The following SGCD variants were observed in gnomAD, a reference collection of about 807,000 sequenced individuals.
SGCD encodes delta-sarcoglycan.
In SGCD, 18 loss-of-function variants were observed where a neutral mutation model predicts 36.6. The ratio of observed to expected loss-of-function variants is 0.49; its 90% confidence interval spans 0.34 to 0.73. The LOEUF is 0.73. Ranked by LOEUF, SGCD falls within the 30% of genes least tolerant of loss-of-function variation. SGCD has a pLI of 0.01. For synonymous variants in SGCD, 133 were observed against 130.6 expected, an observed-to-expected ratio of 1.02 and a Z score of -0.12; for missense variants, 387 against 346.7, an observed-to-expected ratio of 1.12 and a Z score of -0.92.
intron 1 of SGCD, among the ~76,000 whole-genome samples, chr5:155,879,560 T>C (rs1755837309): frequency 6.6e-6 from 1 of 152,182 alleles, no homozygotes; most frequent in Non-Finnish European, 1.5e-5. Context: ...TTGTAACAAG[T>C]AATTTTTCAG....
chr5:155,778,767 G>A, the SGCD span, among the ~76,000 whole-genome samples: 8 of 151,962 alleles, frequency 5.3e-5, no homozygotes, highest in East Asian at 3.9e-4. Flanking sequence ...TTTTTTCTCC[G>A]ACTCTATCTG....
At chr5:156,731,591 G>T (rs1756064188) in intron 7 of SGCD, among the ~76,000 whole-genome samples, 1 of 150,004 alleles carries the variant, frequency 6.7e-6, no homozygotes, top group African/African-American at 2.4e-5. Flanking sequence ...TGTTCCATTG[G>T]TCTGTGTCTG....
chr5:156,631,333 G>A (rs139740175), intron 6 of SGCD, among the ~76,000 whole-genome samples: 154 of 152,112 alleles, frequency 1.0e-3, no homozygotes, highest in African/African-American at 3.5e-3. Flanking sequence ...TAGGGAAATC[G>A]AAGAATCAAC....
chr5:155,956,048 A>T (rs1051568246), intron 1 of SGCD, among the ~76,000 whole-genome samples: 4 of 151,428 alleles, frequency 2.6e-5, no homozygotes, highest in Admixed American at 2.6e-4. Flanking sequence ...TTGCATTGCC[A>T]CTCTAAAAAT....
At chr5:156,382,444 G>T (rs1287266552) in intron 3 of SGCD, among the ~76,000 whole-genome samples, 1 of 152,168 alleles carries the variant, frequency 6.6e-6, no homozygotes, top group Non-Finnish European at 1.5e-5. Context: ...TGGAGTAATG[G>T]AGAACACTCT....
chr5:155,965,990 C>A (rs1438853475), intron 1 of SGCD, among the ~76,000 whole-genome samples: 1 of 152,018 alleles, frequency 6.6e-6, no homozygotes, highest in Non-Finnish European at 1.5e-5. Context: ...CTGCCTGATG[C>A]TCCCTTCATG....
intron 1 of SGCD, among the ~76,000 whole-genome samples, chr5:156,108,951 A>G (rs1290962770): frequency 6.6e-6 from 1 of 152,224 alleles, no homozygotes; most frequent in African/African-American, 2.4e-5. Flanking sequence ...TTTGTCTCCA[A>G]TAATAACAGC....
intron 3 of SGCD, among the ~76,000 whole-genome samples, chr5:156,190,489 T>G (rs1189433172): frequency 6.6e-6 from 1 of 152,156 alleles, no homozygotes; most frequent in Non-Finnish European, 1.5e-5. Flanking sequence ...TTGCCCTATG[T>G]AATTTATTGA....
intron 1 of SGCD, among the ~76,000 whole-genome samples, chr5:156,071,001 A>G (rs1168420112): frequency 5.9e-5 from 9 of 151,806 alleles, no homozygotes; most frequent in South Asian, 2.1e-4. Context: ...TTTTTATTGC[A>G]TCTATTTGAT....
intron 1 of SGCD, among the ~76,000 whole-genome samples, chr5:155,958,906 AT>A (rs1757725520): frequency 6.6e-6 from 1 of 152,044 alleles, no homozygotes; most frequent in Non-Finnish European, 1.5e-5. Flanking sequence ...AGTAGGGGTG[AT>A]TTTTCAACCT....
At chr5:155,973,985 T>A (rs1208672324) in intron 1 of SGCD, among the ~76,000 whole-genome samples, 1 of 152,178 alleles carries the variant, frequency 6.6e-6, no homozygotes, top group East Asian at 1.9e-4. Context: ...GAATAAAAAC[T>A]GAGTAAAACT....
chr5:156,747,959 C>T (rs200146903), intron 7 of SGCD, among the ~76,000 whole-genome samples: 2 of 152,078 alleles, frequency 1.3e-5, no homozygotes, highest in Non-Finnish European at 2.9e-5. Flanking sequence ...GTACTTTCTA[C>T]AAAATAGCCA....
intron 3 of SGCD, among the ~76,000 whole-genome samples, chr5:156,382,677 G>A (rs1315129772): frequency 6.6e-6 from 1 of 152,102 alleles, no homozygotes; most frequent in Non-Finnish European, 1.5e-5. Context: ...ATCTAGTAGA[G>A]GATATATCGG....
chr5:156,237,642 A>C (rs1443882115), intron 3 of SGCD, among the ~76,000 whole-genome samples: 1 of 152,066 alleles, frequency 6.6e-6, no homozygotes, highest in Non-Finnish European at 1.5e-5. Flanking sequence ...AAAACAAAAA[A>C]CAAAGCGGGA....
chr5:156,122,267 G>C, intron 2 of SGCD, among the ~76,000 whole-genome samples: 1 of 152,158 alleles, frequency 6.6e-6, no homozygotes, highest in East Asian at 1.9e-4. Flanking sequence ...GAAGTGAAGT[G>C]CTGGAGACAC....
chr5:155,891,215 A>G (rs1339460870), intron 1 of SGCD, among the ~76,000 whole-genome samples: 4 of 152,196 alleles, frequency 2.6e-5, no homozygotes, highest in African/African-American at 9.7e-5. Flanking sequence ...CTGGAGGCCA[A>G]GTGTTTCAGC....
At chr5:155,847,452 A>G in the SGCD span, among the ~76,000 whole-genome samples, 1 of 152,268 alleles carries the variant, frequency 6.6e-6, no homozygotes, top group South Asian at 2.1e-4. Context: ...CAGATTAAAG[A>G]TGCTGTAAGT....
chr5:156,568,931 A>G (rs1001688708), intron 4 of SGCD, among the ~76,000 whole-genome samples: 4 of 152,236 alleles, frequency 2.6e-5, no homozygotes, highest in Admixed American at 2.6e-4. Context: ...TGAAATCATT[A>G]TTATGTATGT....
chr5:155,762,114 A>C, the SGCD span, among the ~76,000 whole-genome samples: 2 of 152,186 alleles, frequency 1.3e-5, no homozygotes, highest in Non-Finnish European at 2.9e-5. Flanking sequence ...TTGACTCTGA[A>C]GCCCATGCTA....
Sources: gnomAD v4.1 joint callset for allele counts (sites outside exome capture counted in the v4.1 genomes callset) on GRCh38, gnomAD v4.1.1 for gene constraint, MANE v1.5 for transcripts, NCBI Gene and HGNC (gene_info 2026-07-23, HGNC 2026-07-21) for gene names.